Variants in LRP1B observed in about 807,000 individuals in gnomAD.
LRP1B encodes LDL receptor related protein 1B, also known as low-density lipoprotein receptor-related protein 1B.
A neutral mutation model predicts 556.6 loss-of-function variants in LRP1B; 217 were observed. The observed-to-expected ratio is 0.39, with a 90% CI of 0.35 to 0.44. The LOEUF (loss-of-function observed/expected upper bound fraction) is 0.44. Among genes scored for constraint, LRP1B ranks in the 20% least tolerant of loss-of-function variants. The pLI is 1.00. For synonymous variants in LRP1B, 2,047 were observed against 1,865.8 expected, an observed-to-expected ratio of 1.10 and a Z score of -2.50; for missense variants, 5,053 against 5,620.8, an observed-to-expected ratio of 0.90 and a Z score of 3.23.
At chr2:140,847,873 C>T (rs1323278000) in intron 29 of LRP1B, among the ~76,000 whole-genome samples, 12 of 151,532 alleles carry the variant, frequency 7.9e-5, no homozygotes, top group Admixed American at 7.9e-4. Context: ...AGTGAGAAAA[C>T]ATTTTTGCTC....
intron 60 of LRP1B, among the ~76,000 whole-genome samples, chr2:140,468,690 T>A (rs1326221335): frequency 1.3e-5 from 2 of 152,216 alleles, no homozygotes; most frequent in African/African-American, 2.4e-5. Context: ...AAGGCAAAAT[T>A]TAGAAGATTT....
At chr2:141,622,615 C>A (rs1156337710) in intron 2 of LRP1B, among the ~76,000 whole-genome samples, 2 of 152,192 alleles carry the variant, frequency 1.3e-5, no homozygotes, top group Non-Finnish European at 2.9e-5. Flanking sequence ...ATGTAAGAAT[C>A]CATTTTTATT....
chr2:141,208,466 T>G (rs1682380071), intron 6 of LRP1B: 1 of 152,258 alleles, frequency 6.6e-6, no homozygotes, highest in African/African-American at 2.4e-5. Context: ...TAGAGAGTAC[T>G]CCTTGTCACA....
intron 41 of LRP1B, among the ~76,000 whole-genome samples, chr2:140,662,360 A>T (rs910223083): frequency 6.6e-6 from 1 of 152,122 alleles, no homozygotes; most frequent in Non-Finnish European, 1.5e-5. Context: ...TATTAAGGAA[A>T]AATTATTTAA....
intron 86 of LRP1B, among the ~76,000 whole-genome samples, chr2:140,258,388 C>A (rs1049589819): frequency 2.0e-5 from 3 of 152,072 alleles, no homozygotes; most frequent in Non-Finnish European, 4.4e-5. Flanking sequence ...AGGGAGGACA[C>A]CCTAAATAGA....
At chr2:141,354,766 C>A (rs1688565370) in intron 3 of LRP1B, among the ~76,000 whole-genome samples, 2 of 151,280 alleles carry the variant, frequency 1.3e-5, no homozygotes, top group Non-Finnish European at 2.9e-5. Flanking sequence ...GTGCAATCAA[C>A]CCTGCAATTA....
At chr2:141,532,816 T>C (rs1684933469) in intron 2 of LRP1B, among the ~76,000 whole-genome samples, 1 of 151,990 alleles carries the variant, frequency 6.6e-6, no homozygotes, top group South Asian at 2.1e-4. Context: ...TGAAACCCCG[T>C]CTCTACTAAA....
At chr2:142,054,729 T>C (rs1420847063) in intron 1 of LRP1B, among the ~76,000 whole-genome samples, 1 of 152,116 alleles carries the variant, frequency 6.6e-6, no homozygotes, top group African/African-American at 2.4e-5. Flanking sequence ...CTGCACCTTA[T>C]TTAATATTTT....
At chr2:140,843,060 TTTTTTTGTTTTTTTTTTTTTGTTTG>T (rs1692160016) in intron 29 of LRP1B, among the ~76,000 whole-genome samples, 1 of 21,646 alleles carries the variant, frequency 4.6e-5, no homozygotes. Context: ...AAAGTGGTTT[TTTTTTTGTTTTTTTTTTTTTGTTTG>T]TTTTTTTTTT....
At chr2:141,196,143 T>G (rs1681740495) in intron 6 of LRP1B, among the ~76,000 whole-genome samples, 1 of 152,088 alleles carries the variant, frequency 6.6e-6, no homozygotes, top group Admixed American at 6.6e-5. Flanking sequence ...TCCTTTGTTT[T>G]CAATGCAATT....
At chr2:140,802,646 G>A (rs917452985) in intron 32 of LRP1B, among the ~76,000 whole-genome samples, 3 of 152,008 alleles carry the variant, frequency 2.0e-5, no homozygotes, top group Admixed American at 2.0e-4. Flanking sequence ...ATGAGAAAAA[G>A]CAGCTATTTC....
intron 86 of LRP1B, among the ~76,000 whole-genome samples, chr2:140,265,857 C>CT (rs919319317): frequency 6.6e-6 from 1 of 151,922 alleles, no homozygotes; most frequent in Admixed American, 6.6e-5. Context: ...CTTAGCTGGA[C>CT]TTTTTTATTG....
At chr2:140,530,422 T>C (rs762004913) in intron 47 of LRP1B, among the ~76,000 whole-genome samples, 3 of 152,084 alleles carry the variant, frequency 2.0e-5, no homozygotes, top group Non-Finnish European at 4.4e-5. Context: ...ATAAGGGAGA[T>C]ATTTGGTGGA....
intron 1 of LRP1B, among the ~76,000 whole-genome samples, chr2:141,919,127 T>C (rs1490081701): frequency 6.6e-6 from 1 of 152,106 alleles, no homozygotes; most frequent in African/African-American, 2.4e-5. Flanking sequence ...TAAAATAGAA[T>C]CAAGTTTTAC....
intron 31 of LRP1B, among the ~76,000 whole-genome samples, chr2:140,834,865 C>G (rs992848286): frequency 2.6e-5 from 4 of 152,184 alleles, no homozygotes; most frequent in African/African-American, 9.7e-5. Flanking sequence ...TCATTATTGA[C>G]TCTTCCCTAA....
At chr2:141,886,092 G>A (rs936990564) in intron 1 of LRP1B, among the ~76,000 whole-genome samples, 2 of 152,176 alleles carry the variant, frequency 1.3e-5, no homozygotes, top group Non-Finnish European at 2.9e-5. Context: ...AAATTTATGT[G>A]AGGACATCAG....
chr2:140,801,388 G>A (rs111816013), intron 32 of LRP1B, among the ~76,000 whole-genome samples: 2,945 of 152,218 alleles, frequency 0.019, 52 homozygotes, highest in Middle Eastern at 0.037. Flanking sequence ...AGAGAAATAA[G>A]TAGGGCATAA....
At chr2:142,048,817 G>A (rs576570594) in intron 1 of LRP1B, among the ~76,000 whole-genome samples, 2 of 152,140 alleles carry the variant, frequency 1.3e-5, no homozygotes, top group East Asian at 3.9e-4. Context: ...TAAAAGATGA[G>A]TGTATTTACA....
At chr2:140,498,778 T>G (rs1242464432) in intron 55 of LRP1B, among the ~76,000 whole-genome samples, 1 of 151,898 alleles carries the variant, frequency 6.6e-6, no homozygotes, top group Non-Finnish European at 1.5e-5. Flanking sequence ...CATATATTTG[T>G]GTGCATAATA....
Sources: gnomAD v4.1 joint callset for allele counts (sites outside exome capture counted in the v4.1 genomes callset) on GRCh38, gnomAD v4.1.1 for gene constraint, MANE v1.5 for transcripts, NCBI Gene and HGNC (gene_info 2026-07-23, HGNC 2026-07-21) for gene names.